The following DLG2 variants were observed in gnomAD, a reference collection of about 807,000 sequenced individuals.
DLG2 encodes disks large homolog 2.
Under a neutral mutation model 132.5 loss-of-function variants are expected in DLG2, and 45 were observed. That is an observed-to-expected ratio of 0.34 (90% CI 0.27 to 0.44). The LOEUF is 0.44. Among genes scored for constraint, DLG2 ranks in the 20% least tolerant of loss-of-function variants. The pLI, the probability that DLG2 is intolerant of heterozygous loss-of-function variation, is 1.00. For missense variants in DLG2, 1,045 were observed against 1,196.9 expected (o/e 0.87, Z 1.87); for synonymous variants, 424 against 419.6 (o/e 1.01, Z -0.13).
intron 6 of DLG2, among the ~76,000 whole-genome samples, chr11:84,597,658 C>T (rs1318682622): frequency 6.6e-6 from 1 of 152,122 alleles, no homozygotes; most frequent in Non-Finnish European, 1.5e-5. Context: ...GTTAGAGTTA[C>T]TAGATGTAAA....
At chr11:84,868,158 A>G (rs892838227) in intron 6 of DLG2, among the ~76,000 whole-genome samples, 1 of 147,408 alleles carries the variant, frequency 6.8e-6, no homozygotes, top group Non-Finnish European at 1.5e-5. Flanking sequence ...ATTTATTAAT[A>G]TATTATATTA....
At chr11:85,009,760 T>C (rs1490475555) in intron 6 of DLG2, among the ~76,000 whole-genome samples, 1 of 152,084 alleles carries the variant, frequency 6.6e-6, no homozygotes, top group Non-Finnish European at 1.5e-5. Context: ...ACTCCAAAGA[T>C]GGTGGCTATT....
chr11:84,890,263 G>A (rs564280743), intron 6 of DLG2, among the ~76,000 whole-genome samples: 5 of 152,174 alleles, frequency 3.3e-5, no homozygotes, highest in African/African-American at 7.2e-5. Flanking sequence ...ACACTTAAGC[G>A]TTCAATAACT....
chr11:85,091,217 C>G (rs745684858), intron 6 of DLG2, among the ~76,000 whole-genome samples: 1 of 152,230 alleles, frequency 6.6e-6, no homozygotes, highest in East Asian at 1.9e-4. Flanking sequence ...TACATTTATA[C>G]TACACTGCAG....
At chr11:85,138,870 G>A (rs1594761255) in intron 5 of DLG2, among the ~76,000 whole-genome samples, 1 of 152,040 alleles carries the variant, frequency 6.6e-6, no homozygotes, top group Non-Finnish European at 1.5e-5. Flanking sequence ...GTCTTTATAA[G>A]CAGCCTGAAA....
chr11:84,393,639 GCTTT>G lies in DLG2; in HGVS notation c.519+140927_519+140930del, dbSNP rs546104781. On this transcript the variant is annotated intron_variant, in intron 7 of 27. Coordinates refer to ENST00000376104, the MANE Select transcript of DLG2 (RefSeq NM_001142699.3). ...TTTAATACAGGAAGCTACATATTTG[GCTTT>G]CTAGCTACCTTATTTTTGCTCTTAA... Among the ~76,000 whole-genome samples the G allele has an allele frequency of 2.0e-5, 3 of 152,078 alleles. No homozygotes were observed. The South Asian group carries it at 6.2e-4, about 32-fold the overall frequency.
At chr11:85,155,838 G>GAT (rs1200518650) in intron 4 of DLG2, among the ~76,000 whole-genome samples, 3 of 149,020 alleles carry the variant, frequency 2.0e-5, no homozygotes, top group Non-Finnish European at 4.4e-5. Flanking sequence ...CAGCCTGGGT[G>GAT]ACTGAGCAAG....
chr11:83,850,959 G>A (rs1053237600), intron 16 of DLG2, among the ~76,000 whole-genome samples: 30 of 152,080 alleles, frequency 2.0e-4, no homozygotes, highest in Middle Eastern at 6.8e-3. Context: ...GGCAGATCAC[G>A]AGGTCAGGAG....
chr11:83,561,740 TGAAGA>T (rs1247103439), intron 19 of DLG2, among the ~76,000 whole-genome samples: 1 of 152,120 alleles, frequency 6.6e-6, no homozygotes, highest in African/African-American at 2.4e-5. Flanking sequence ...AAGAAGATGA[TGAAGA>T]GAAGGTAGAT....
chr11:84,784,364 A>AT (rs879808520), intron 6 of DLG2, among the ~76,000 whole-genome samples: 2,692 of 149,226 alleles, frequency 0.018, 40 homozygotes, highest in South Asian at 0.038. Context: ...AAATAAATAA[A>AT]TAAATTAAAC....
chr11:83,649,936 A>G (rs2069574921), intron 18 of DLG2, among the ~76,000 whole-genome samples: 1 of 152,218 alleles, frequency 6.6e-6, no homozygotes, highest in South Asian at 2.1e-4. Flanking sequence ...TTTAGTCAGA[A>G]TAGAAAGAGA....
At chr11:84,857,115 G>A (rs1057378194) in intron 6 of DLG2, among the ~76,000 whole-genome samples, 8 of 151,166 alleles carry the variant, frequency 5.3e-5, no homozygotes, top group African/African-American at 1.9e-4. Flanking sequence ...AACTTTTCTG[G>A]GCAAAAACAG....
chr11:84,609,839 C>T lies in DLG2; in HGVS notation c.358-75108G>A, dbSNP rs2099592305. ...TTAATGGTTAGGCCCAAAGCAATCT[C>T]AGTATTTAAGAATATTTTAAATTAT... is the stretch of plus-strand genomic sequence containing the variant. On this transcript the variant is annotated intron_variant, in intron 6 of 27. Transcript: ENST00000376104. Among the ~76,000 whole-genome samples the T allele has an allele frequency of 2.0e-5, 3 of 152,150 alleles. No homozygotes were observed. The South Asian group carries it at 6.2e-4, about 32-fold the overall frequency.
intron 6 of DLG2, among the ~76,000 whole-genome samples, chr11:84,934,831 G>A (rs2154093535): frequency 6.6e-6 from 1 of 151,726 alleles, no homozygotes; most frequent in Non-Finnish European, 1.5e-5. Flanking sequence ...CTTTTCCTAG[G>A]TTTTCTTGTT....
At chr11:83,533,821 A>T (rs2095818093) in intron 20 of DLG2, among the ~76,000 whole-genome samples, 1 of 152,172 alleles carries the variant, frequency 6.6e-6, no homozygotes, top group Admixed American at 6.5e-5. Context: ...CTTGGGAATC[A>T]TCATAAGCTC....
At chr11:85,380,426 A>G (rs992966025) in intron 3 of DLG2, among the ~76,000 whole-genome samples, 10 of 152,214 alleles carry the variant, frequency 6.6e-5, no homozygotes, top group African/African-American at 2.4e-4. Context: ...TGGGAGGCCA[A>G]GGCAGGAGGA....
intron 18 of DLG2, among the ~76,000 whole-genome samples, chr11:83,634,354 A>G (rs2064243392): frequency 6.6e-6 from 1 of 152,212 alleles, no homozygotes; most frequent in African/African-American, 2.4e-5. Context: ...TAACACAATG[A>G]ACATGTAAAA....
At chr11:85,031,410 T>C (rs747318692) in intron 6 of DLG2, among the ~76,000 whole-genome samples, 3 of 152,184 alleles carry the variant, frequency 2.0e-5, no homozygotes, top group Admixed American at 6.5e-5. Flanking sequence ...ATCCCACTCA[T>C]ATTAATTTTG....
intron 7 of DLG2, among the ~76,000 whole-genome samples, chr11:84,515,970 CA>C: frequency 9.4e-6 from 1 of 105,852 alleles, no homozygotes; most frequent in Non-Finnish European, 1.9e-5. Flanking sequence ...GAAAATTAAA[CA>C]AACGTGTTCT....
Sources: gnomAD v4.1 joint callset for allele counts (sites outside exome capture counted in the v4.1 genomes callset) on GRCh38, gnomAD v4.1.1 for gene constraint, MANE v1.5 for transcripts, NCBI Gene and HGNC (gene_info 2026-07-23, HGNC 2026-07-21) for gene names.